The following POLH variants were observed in gnomAD, a reference collection of about 807,000 sequenced individuals.
POLH encodes DNA polymerase eta.
A neutral mutation model predicts 73.6 loss-of-function variants in POLH; 53 were observed. The ratio of observed to expected loss-of-function variants is 0.72; its 90% CI spans 0.58 to 0.91. The LOEUF is 0.91. POLH is among the 40% of genes least tolerant of loss of function. POLH has a pLI of 0.00. For synonymous variants in POLH, 292 were observed against 308.5 expected (o/e 0.95, Z 0.56); for missense variants, 768 against 865.4 (o/e 0.89, Z 1.41).
rs1330383243 is a variant in POLH, at chr6:43,616,120, A to G, written c.*1563A>G. Among the ~76,000 whole-genome samples the G allele has an allele frequency of 1.4e-5, 2 of 145,888 alleles. No individual in the cohort carries two copies. Among genetic ancestry groups the G allele is most frequent in the African/African-American group, 4.9e-5 (2 of 41,016 alleles). ...TGAAACCCCGTCTCTACTAAAAAAT[A>G]CAAAAAAAAATTAGCCGGGTGCGGT... On this transcript the variant is annotated 3_prime_UTR_variant, in exon 11 of 11. Transcript: ENST00000372236.
rs770086482 is a variant in POLH, at chr6:43,597,681, CTTAA to C, written c.491-12_491-9del. ...TTTTTTAAATGTCTAAATGTGAGTT[CTTAA>C]TTCATTTCAGAGGGGATGCGAAAAC... On this transcript the variant is annotated splice_polypyrimidine_tract_variant and intron_variant, in intron 4 of 10. Transcript: ENST00000372236. 1 of 1,608,240 alleles carries C rather than the reference CTTAA, an allele frequency of 6.2e-7. No homozygotes were observed. The highest frequency in any genetic ancestry group is 1.3e-5 in the African/African-American group (1 of 74,792).
intron 4 of POLH, among the ~76,000 whole-genome samples, chr6:43,587,935 G>A (rs933203033): frequency 5.3e-5 from 8 of 152,198 alleles, no homozygotes; most frequent in Non-Finnish European, 8.8e-5. Context: ...GCTGAGGCAG[G>A]AGATTTGCTT....
At chr6:43,605,422 T>C in intron 9 of POLH, 103 bp downstream of exon 9, 1 of 645,738 alleles carries the variant, frequency 1.5e-6, no homozygotes, top group Admixed American at 2.5e-5. Flanking sequence ...AGTATTAGCA[T>C]AGGAAATATC....
intron 8 of POLH, 25 bp downstream of exon 8, chr6:43,604,763 A>C: frequency 6.2e-7 from 1 of 1,613,872 alleles, no homozygotes. Flanking sequence ...TTGACAGAAC[A>C]CTACCTCTTT....
At chr6:43,602,870 T>C (rs1766883590) in intron 6 of POLH, among the ~76,000 whole-genome samples, 4 of 151,898 alleles carry the variant, frequency 2.6e-5, no homozygotes, top group Admixed American at 2.6e-4. Context: ...GTTTTACTAT[T>C]TTGGCCAGGC....
At chr6:43,584,631 C>G (rs1325342103) in intron 3 of POLH, among the ~76,000 whole-genome samples, 2 of 152,174 alleles carry the variant, frequency 1.3e-5, no homozygotes, top group Non-Finnish European at 2.9e-5. Context: ...CACTGTCTAC[C>G]TGGAGATGGC....
chr6:43,587,159 CAT>C (rs1174538306), intron 3 of POLH, 111 bp from the exon 4 acceptor site: 13 of 841,682 alleles, frequency 1.5e-5, no homozygotes, highest in African/African-American at 3.3e-5. Flanking sequence ...TGTTAAGCCA[CAT>C]GTCTCTTGAT....
chr6:43,605,641 G>T (rs1767205897), intron 9 of POLH, among the ~76,000 whole-genome samples: 1 of 151,350 alleles, frequency 6.6e-6, no homozygotes, highest in African/African-American at 2.4e-5. Context: ...GTAGAGACAG[G>T]GTCTTGCTAG....
intron 1 of POLH, among the ~76,000 whole-genome samples, chr6:43,578,109 G>A (rs375076323): frequency 1.4e-5 from 2 of 144,998 alleles, no homozygotes; most frequent in African/African-American, 2.6e-5. Context: ...ATGCTAGGCC[G>A]AGCGCGATGG....
Position 43,611,546 on chromosome 6 carries a change from T to C in POLH, c.1244+823T>C, listed in dbSNP as rs143223178. The stretch of plus-strand genomic sequence containing the variant: ...ATTTTCAGGATTGGAATCCTTTAAT[T>C]GCATATTTAATAAAGCCCTTACTTT... On this transcript the variant is annotated intron_variant, in intron 10 of 10. Coordinates refer to ENST00000372236, the MANE Select transcript of POLH (RefSeq NM_006502.3). Among the ~76,000 whole-genome samples the C allele has an allele frequency of 4.9e-3, 747 of 152,314 alleles. 5 individuals carry two copies. Among genetic ancestry groups the C allele is most frequent in the African/African-American group, 0.016 (680 of 41,570 alleles).
At chr6:43,603,871 C>G in intron 6 of POLH, 21 bp from the exon 7 acceptor site, 1 of 1,612,442 alleles carries the variant, frequency 6.2e-7, no homozygotes, top group Non-Finnish European at 8.5e-7. Context: ...CCTATCAATT[C>G]TTTGTCTCCT....
intron 4 of POLH, among the ~76,000 whole-genome samples, chr6:43,590,251 C>T (rs912124833): frequency 9.3e-5 from 14 of 151,216 alleles, no homozygotes; most frequent in African/African-American, 2.9e-4. Context: ...CCCAGCTATT[C>T]GGGAGGCTGA....
chr6:43,578,447 G>GTA, intron 1 of POLH: 1 of 444,892 alleles, frequency 2.2e-6, no homozygotes, highest in Non-Finnish European at 4.5e-6. Context: ...AATTAAGTTA[G>GTA]TATATATAGT....
intron 1 of POLH, among the ~76,000 whole-genome samples, chr6:43,580,888 AG>A (rs1339218359): frequency 7.9e-6 from 1 of 126,150 alleles, no homozygotes; most frequent in African/African-American, 3.1e-5. Context: ...GGCCGGGCGG[AG>A]GGCTGACCCC....
At chr6:43,597,066 A>G (rs953715016) in intron 4 of POLH, among the ~76,000 whole-genome samples, 1 of 152,166 alleles carries the variant, frequency 6.6e-6, no homozygotes, top group African/African-American at 2.4e-5. Context: ...ATAGTAGGAG[A>G]AAGAAAATTC....
chr6:43,582,382 G>A lies in POLH; in HGVS notation c.63G>A (p.Val21=). 6.2e-7 allele frequency: 1 copy of A among 1,613,958 alleles called. No individual in the cohort carries two copies. Residue 21 remains valine (V), a synonymous_variant, in exon 2 of 11, where the codon GTG becomes GTA. Transcript: ENST00000372236. ...LVDMDCFFVQ[V]EQRQNPHLRN... is the part of the protein sequence containing the mutation. ...ACATGGACTGTTTTTTTGTTCAAGT[G>A]GAGCAGCGGCAAAATCCTCATTTGA...
At chr6:43,604,812 GT>G (rs1220835861) in intron 8 of POLH, 74 bp downstream of exon 8, 17 of 1,500,914 alleles carry the variant, frequency 1.1e-5, no homozygotes, top group Admixed American at 3.3e-5. Flanking sequence ...GCTGTGGAAG[GT>G]TTAATAGGTT....
Position 43,618,154 on chromosome 6 carries a change from GTAT to G in POLH, c.*3608_*3610del, listed in dbSNP as rs767791754. 1.3e-4 allele frequency among the ~76,000 whole-genome samples: 20 copies of G among 152,032 alleles called. No individual in the cohort carries two copies. The East Asian group carries it at 1.9e-3, about 15-fold the overall frequency. On this transcript the variant is annotated 3_prime_UTR_variant, in exon 11 of 11. Coordinates refer to ENST00000372236, the MANE Select transcript of POLH (RefSeq NM_006502.3). The stretch of plus-strand genomic sequence containing the variant: ...TGCACTTGTCCATGTTTATACTACT[GTAT>G]TATTATTATTTTTTTTTGAGATGGA...
intron 7 of POLH, among the ~76,000 whole-genome samples, chr6:43,604,259 T>C (rs889334380): frequency 1.3e-5 from 2 of 152,246 alleles, no homozygotes; most frequent in African/African-American, 4.8e-5. Context: ...ATATACTAAT[T>C]ACATCATTCA....
Sources: allele counts gnomAD v4.1 joint callset (sites outside exome capture counted in the v4.1 genomes callset), GRCh38; gene constraint gnomAD v4.1.1; transcripts MANE v1.5; gene names NCBI Gene and HGNC (gene_info 2026-07-23, HGNC 2026-07-21).